CCSER1: variants seen among roughly 807,000 people sequenced by gnomAD.
CCSER1 encodes the protein coiled-coil serine rich protein 1.
Under a neutral mutation model 82.0 loss-of-function variants are expected in CCSER1, and 41 were observed. That is an observed-to-expected ratio of 0.50 (90% CI 0.39 to 0.65). CCSER1 has a LOEUF of 0.65. CCSER1 is among the 30% of genes least tolerant of loss of function. The pLI is 0.00. For missense variants in CCSER1, 1,119 were observed against 1,064.2 expected (o/e 1.05, Z -0.72); for synonymous variants, 414 against 383.9 (o/e 1.08, Z -0.92).
intron 10 of CCSER1, among the ~76,000 whole-genome samples, chr4:91,502,654 T>C (rs1759273019): frequency 6.6e-6 from 1 of 152,224 alleles, no homozygotes. Context: ...TCCTTAATTA[T>C]TGCCATCACA....
chr4:90,748,153 A>G (rs1004652853), intron 7 of CCSER1, among the ~76,000 whole-genome samples: 8 of 143,944 alleles, frequency 5.6e-5, no homozygotes, highest in Admixed American at 4.8e-4. Flanking sequence ...GTCATCTAGC[A>G]TTAGGTATAT....
At chr4:91,095,378 T>C (rs2148836335) in intron 10 of CCSER1, among the ~76,000 whole-genome samples, 1 of 152,276 alleles carries the variant, frequency 6.6e-6, no homozygotes, top group Admixed American at 6.5e-5. Context: ...AACCCCCCTT[T>C]CCCTGCCCTT....
intron 10 of CCSER1, among the ~76,000 whole-genome samples, chr4:91,317,303 T>C (rs938668289): frequency 1.3e-5 from 2 of 151,952 alleles, no homozygotes; most frequent in Non-Finnish European, 2.9e-5. Context: ...TTCCAACACA[T>C]CCCTATACTA....
intron 5 of CCSER1, among the ~76,000 whole-genome samples, chr4:90,512,987 T>C (rs1771762934): frequency 6.6e-6 from 1 of 152,166 alleles, no homozygotes. Flanking sequence ...GAATTTTTTA[T>C]AATTATTTTA....
intron 10 of CCSER1, among the ~76,000 whole-genome samples, chr4:91,265,837 A>G (rs2149172936): frequency 6.6e-6 from 1 of 152,294 alleles, no homozygotes; most frequent in African/African-American, 2.4e-5. Flanking sequence ...GTTTTAGTGC[A>G]TTTTCACACT....
intron 4 of CCSER1, among the ~76,000 whole-genome samples, chr4:90,424,607 C>T (rs1378946471): frequency 1.3e-5 from 2 of 152,086 alleles, no homozygotes; most frequent in African/African-American, 4.8e-5. Flanking sequence ...TTGAGAGAAG[C>T]TTTGATTACT....
intron 10 of CCSER1, among the ~76,000 whole-genome samples, chr4:91,267,545 G>A (rs1191650461): frequency 6.6e-6 from 1 of 152,156 alleles, no homozygotes; most frequent in Non-Finnish European, 1.5e-5. Context: ...CACAGCCAGA[G>A]AAGAGAACTC....
rs569459479 is a variant in CCSER1 at position 91,031,246 on chromosome 4, C to T, written c.2173-54704C>T. Among the ~76,000 whole-genome samples, 272 of 152,186 alleles carry T rather than the reference C, an allele frequency of 1.8e-3. 1 individual carries two copies. The highest frequency in any genetic ancestry group is 2.6e-3 in the Non-Finnish European group (174 of 67,994). Reference sequence around the variant, plus strand: ...AATTTTTCACATAATTGTTCATAGCCTTAAGCTTACAAATTTATTAGGTTA... The same window carrying T: ...AATTTTTCACATAATTGTTCATAGCTTTAAGCTTACAAATTTATTAGGTTA... On this transcript the variant is annotated intron_variant, in intron 9 of 10. Coordinates refer to ENST00000509176, the MANE Select transcript of CCSER1 (RefSeq NM_001145065.2).
intron 10 of CCSER1, among the ~76,000 whole-genome samples, chr4:91,192,374 T>G (rs1256324496): frequency 6.6e-6 from 1 of 152,204 alleles, no homozygotes; most frequent in Non-Finnish European, 1.5e-5. Context: ...TTTTTTAAGT[T>G]TGATACCATG....
At chr4:91,027,205 G>C (rs1581371492) in intron 9 of CCSER1, among the ~76,000 whole-genome samples, 1 of 152,036 alleles carries the variant, frequency 6.6e-6, no homozygotes, top group Middle Eastern at 3.4e-3. Context: ...TCCCATAGAA[G>C]ATAGTTATAC....
intron 7 of CCSER1, chr4:90,781,416 T>A (rs974940538): frequency 1.0e-6 from 1 of 985,304 alleles, no homozygotes; most frequent in African/African-American, 1.7e-5. Context: ...ATCTCTGTAA[T>A]ACTAACCTAA....
intron 1 of CCSER1, among the ~76,000 whole-genome samples, chr4:90,216,102 C>G (rs1740967753): frequency 1.3e-5 from 2 of 152,178 alleles, no homozygotes; most frequent in Admixed American, 1.3e-4. Flanking sequence ...TTATATAACA[C>G]AGACCCTTGC....
intron 9 of CCSER1, among the ~76,000 whole-genome samples, chr4:90,947,594 C>T (rs981866281): frequency 6.6e-6 from 1 of 152,092 alleles, no homozygotes; most frequent in Non-Finnish European, 1.5e-5. Context: ...CAGTCCTATT[C>T]CAGCTTATTT....
At chr4:91,195,175 C>A (rs1489599709) in intron 10 of CCSER1, among the ~76,000 whole-genome samples, 1 of 152,084 alleles carries the variant, frequency 6.6e-6, no homozygotes, top group African/African-American at 2.4e-5. Context: ...CACTTTGATG[C>A]AAATGTTTAA....
chr4:91,540,840 A>T (rs1761554198), intron 10 of CCSER1, among the ~76,000 whole-genome samples: 1 of 152,104 alleles, frequency 6.6e-6, no homozygotes, highest in African/African-American at 2.4e-5. Context: ...TTCTTTTCAA[A>T]AGATCAGTTG....
chr4:91,518,117 C>T (rs564349825), intron 10 of CCSER1, among the ~76,000 whole-genome samples: 19 of 152,274 alleles, frequency 1.2e-4, no homozygotes, highest in Admixed American at 7.8e-4. Flanking sequence ...TTGGCACTCC[C>T]GGGCTGCATG....
At chr4:91,192,702 T>G (rs17018198) in intron 10 of CCSER1, among the ~76,000 whole-genome samples, 2,744 of 152,244 alleles carry the variant, frequency 0.018, 64 homozygotes, top group African/African-American at 0.054. Flanking sequence ...TGTCTTCTTT[T>G]AATCCATTTA....
chr4:91,106,846 A>T (rs187401854), intron 10 of CCSER1, among the ~76,000 whole-genome samples: 1 of 152,300 alleles, frequency 6.6e-6, no homozygotes, highest in Admixed American at 6.5e-5. Context: ...TAGATGAATT[A>T]TAACTTCTAA....
chr4:90,278,178 G>A (rs980931799), intron 1 of CCSER1, among the ~76,000 whole-genome samples: 2 of 151,920 alleles, frequency 1.3e-5, no homozygotes, highest in Non-Finnish European at 2.9e-5. Flanking sequence ...GTCAAAAAAT[G>A]GCAGATGTTG....
Sources: gnomAD v4.1 joint callset for allele counts (sites outside exome capture counted in the v4.1 genomes callset) on GRCh38, gnomAD v4.1.1 for gene constraint, MANE v1.5 for transcripts, NCBI Gene and HGNC (gene_info 2026-07-23, HGNC 2026-07-21) for gene names.